Variants in JAK1 observed in about 807,000 individuals in gnomAD.
JAK1 encodes the protein tyrosine-protein kinase JAK1.
JAK1 carries 16 observed loss-of-function variants against 136.6 expected under a neutral mutation model. The ratio of observed to expected loss-of-function variants is 0.12; its 90% CI spans 0.08 to 0.18. The LOEUF (loss-of-function observed/expected upper bound fraction) is 0.18. Among genes scored for constraint, JAK1 ranks in the 10% least tolerant of loss-of-function variants. The pLI is 1.00. For synonymous variants in JAK1, 492 were observed against 519.5 expected (o/e 0.95, Z 0.72); for missense variants, 859 against 1,450.1 (o/e 0.59, Z 6.62).
chr1:64,930,995 T>C (rs905381590), intron 1 of JAK1, among the ~76,000 whole-genome samples: 1 of 149,262 alleles, frequency 6.7e-6, no homozygotes, highest in African/African-American at 2.5e-5. Flanking sequence ...CCAGGGCCAG[T>C]CAGGGGGTGG....
At chr1:64,993,688 C>T (rs1646678483) in intron 2 of JAK1, 1 of 151,954 alleles carries the variant, frequency 6.6e-6, no homozygotes, top group South Asian at 2.1e-4. Context: ...CTCTGTCGCC[C>T]AGGCTAAAGT....
chr1:64,851,052 C>T (rs1008966017), intron 11 of JAK1, 142 bp from the exon 12 acceptor site: 2 of 643,554 alleles, frequency 3.1e-6, no homozygotes, highest in African/African-American at 3.6e-5. Flanking sequence ...ATTCAATAGG[C>T]ATATGGCTCC....
chr1:64,917,064 AC>A (rs1330094909), intron 1 of JAK1, among the ~76,000 whole-genome samples: 1 of 152,192 alleles, frequency 6.6e-6, no homozygotes, highest in Non-Finnish European at 1.5e-5. Context: ...GCCCATCAAA[AC>A]AATGGAGAAA....
chr1:64,847,073 T>C (rs754245917), intron 13 of JAK1, among the ~76,000 whole-genome samples: 19 of 152,266 alleles, frequency 1.2e-4, no homozygotes, highest in Non-Finnish European at 1.5e-4. Flanking sequence ...TTTAGCACTA[T>C]GCTGGAACAA....
At chr1:64,874,300 G>C (rs1268255667) in intron 4 of JAK1, among the ~76,000 whole-genome samples, 1 of 151,686 alleles carries the variant, frequency 6.6e-6, no homozygotes, top group Non-Finnish European at 1.5e-5. Flanking sequence ...TTTTCAATAA[G>C]TATATTGAAA....
intron 1 of JAK1, among the ~76,000 whole-genome samples, chr1:64,950,527 C>G (rs76313547): frequency 0.049 from 7,461 of 152,208 alleles, 394 homozygotes; most frequent in East Asian, 0.26. Flanking sequence ...CAATCGTAGG[C>G]TGATTAGTTT....
intron 1 of JAK1, among the ~76,000 whole-genome samples, chr1:64,956,734 G>C (rs1331650443): frequency 6.6e-6 from 1 of 152,206 alleles, no homozygotes; most frequent in African/African-American, 2.4e-5. Flanking sequence ...GGGAGGTAAG[G>C]AGCAGAGAGG....
intron 2 of JAK1, among the ~76,000 whole-genome samples, chr1:65,042,437 C>CAA (rs1491360487): frequency 2.7e-5 from 4 of 150,422 alleles, no homozygotes; most frequent in Non-Finnish European, 5.9e-5. Context: ...CACACACACA[C>CAA]AAACACACCC....
rs1646593516 is a variant in JAK1, at chr1:64,985,838, G to A, written c.-78+58642C>T. 6 of 618,332 alleles carry A rather than the reference G, an allele frequency of 9.7e-6. 1 individual carries two copies. The South Asian group carries it at 1.1e-4, about 11-fold the overall frequency. The allele number at this position is 618,332 out of a possible 1,614,324, so 38.3% of individuals were successfully genotyped here. A position where few individuals can be genotyped will look rare whatever the true frequency, so the allele number is the denominator to read the frequency against. On this transcript the variant is annotated intron_variant, in intron 2 of 25. Transcript: ENST00000671954. ...GCATTGAATTACGCCTGTCAAAGCT[G>A]TTGACAAACAGTCCAACAGAAAAGG...
At chr1:64,896,661 C>T (rs948373055) in intron 1 of JAK1, among the ~76,000 whole-genome samples, 1 of 152,152 alleles carries the variant, frequency 6.6e-6, no homozygotes, top group Non-Finnish European at 1.5e-5. Context: ...AAAGATATAT[C>T]GCCAAAGAAG....
At chr1:64,838,406 A>G (rs1244642748) in intron 21 of JAK1, 59 bp downstream of exon 21, 1 of 1,565,156 alleles carries the variant, frequency 6.4e-7, no homozygotes, top group Non-Finnish European at 8.7e-7. Flanking sequence ...TTACAAACCA[A>G]TTACCCAGGA....
intron 8 of JAK1, among the ~76,000 whole-genome samples, chr1:64,863,085 G>A (rs969985011): frequency 2.7e-5 from 4 of 149,106 alleles, no homozygotes; most frequent in Non-Finnish European, 5.9e-5. Flanking sequence ...ATATAACACA[G>A]GGCCTAATAC....
intron 1 of JAK1, among the ~76,000 whole-genome samples, chr1:64,897,477 G>A (rs1300829145): frequency 1.4e-3 from 5 of 3,626 alleles, no homozygotes; most frequent in African/African-American, 3.7e-3. Context: ...GAGGAGGAGG[G>A]GGGGAGGGGG....
At chr1:64,994,640 C>CA (rs1241048686) in intron 2 of JAK1, among the ~76,000 whole-genome samples, 1 of 152,168 alleles carries the variant, frequency 6.6e-6, no homozygotes, top group Admixed American at 6.5e-5. Context: ...CTCCATTTCC[C>CA]AACACTGCCG....
intron 1 of JAK1, among the ~76,000 whole-genome samples, chr1:64,941,499 C>CA (rs976892123): frequency 1.1e-4 from 16 of 151,328 alleles, no homozygotes; most frequent in Admixed American, 7.9e-4. Flanking sequence ...TTTTAGGGAC[C>CA]AAAAAAAATA....
At chr1:64,996,243 T>G (rs1400836240) in intron 2 of JAK1, among the ~76,000 whole-genome samples, 1 of 152,208 alleles carries the variant, frequency 6.6e-6, no homozygotes, top group Non-Finnish European at 1.5e-5. Flanking sequence ...CTTTTCCTTC[T>G]AGTGCCATCA....
At chr1:64,865,610 T>C (rs969900162) in intron 7 of JAK1, among the ~76,000 whole-genome samples, 1 of 152,200 alleles carries the variant, frequency 6.6e-6, no homozygotes, top group Non-Finnish European at 1.5e-5. Context: ...ATTCATGAAA[T>C]AGCTTACATC....
chr1:65,051,310 G>T (rs1647277733), intron 1 of JAK1, among the ~76,000 whole-genome samples: 1 of 151,980 alleles, frequency 6.6e-6, no homozygotes, highest in Admixed American at 6.6e-5. Flanking sequence ...ATAAAAAAGG[G>T]TGTCTATATT....
intron 2 of JAK1, among the ~76,000 whole-genome samples, chr1:65,038,848 C>T (rs1647101636): frequency 6.6e-6 from 1 of 151,928 alleles, no homozygotes. Context: ...ATGTTGGCCA[C>T]GCTGATCTCA....
Sources: gnomAD v4.1 joint callset for allele counts (sites outside exome capture counted in the v4.1 genomes callset) on GRCh38, gnomAD v4.1.1 for gene constraint, MANE v1.5 for transcripts, NCBI Gene and HGNC (gene_info 2026-07-23, HGNC 2026-07-21) for gene names.